Variants in LSM8 observed in about 807,000 individuals in gnomAD.
LSM8 encodes the protein LSM8 homolog, U6 small nuclear RNA associated.
Under a neutral mutation model 15.0 loss-of-function variants are expected in LSM8, and 14 were observed. The ratio of observed to expected loss-of-function variants is 0.93; its 90% CI spans 0.62 to 1.46. The LOEUF is 1.46. Ranked by LOEUF, LSM8 falls within the 40% of genes most tolerant of loss-of-function variation. The pLI, the probability that LSM8 is intolerant of heterozygous loss-of-function variation, is 0.00. For synonymous variants in LSM8, 50 were observed against 42.1 expected, an observed-to-expected ratio of 1.19 and a Z score of -0.73; for missense variants, 90 against 115.4, an observed-to-expected ratio of 0.78 and a Z score of 1.01.
chr7:118,184,604 AAC>A (rs1163995993), intron 1 of LSM8: 2 of 204,758 alleles, frequency 9.8e-6, no homozygotes, highest in Admixed American at 1.2e-4. Context: ...TGGCGGCGAC[AAC>A]AGTTTTGCAA....
In LSM8 at chr7:118,184,338, G is replaced by A. The variant is rs1026591834; in HGVS notation, c.31+84G>A. On this transcript the variant is annotated intron_variant, in intron 1 of 3. Transcript: ENST00000249299. ...GGATCGGTGGGAGGTTGGGAGGCCTGGCCTCGGCGGGATCCTGGGGGCGGG... is the reference window on the plus strand; with the variant it reads ...GGATCGGTGGGAGGTTGGGAGGCCTAGCCTCGGCGGGATCCTGGGGGCGGG... 17 of 1,367,118 alleles carry A rather than the reference G, an allele frequency of 1.2e-5. No homozygotes were observed. The Admixed American group carries it at 4.3e-4, about 34-fold the overall frequency. The allele number at this position is 1,367,118 out of a possible 1,614,324, so 84.7% of individuals were successfully genotyped here. A position where few individuals can be genotyped will look rare whatever the true frequency, so the allele number is the denominator to read the frequency against.
At chr7:118,188,128 A>T (rs1363202274) in intron 2 of LSM8, 150 bp from the exon 3 acceptor site, 2 of 795,402 alleles carry the variant, frequency 2.5e-6, no homozygotes, top group Non-Finnish European at 4.0e-6. Flanking sequence ...GTACCCTCGA[A>T]TACTGTTGGT....
Position 118,192,003 on chromosome 7 carries a change from G to T in LSM8, c.*1G>T, listed in dbSNP as rs1185787634. On this transcript the variant is annotated 3_prime_UTR_variant, in exon 4 of 4. Transcript: ENST00000249299. ...ACCTTTAAATTCTGTAGCACACTGA[G>T]GAAAAACTACATACTTGGACATCTG... 1 of 1,591,326 alleles carries T rather than the reference G, an allele frequency of 6.3e-7. No individual in the cohort carries two copies. Among genetic ancestry groups the T allele is most frequent in the Non-Finnish European group, 8.6e-7 (1 of 1,161,170 alleles).
At chr7:118,185,938 G>A (rs75251330) in intron 2 of LSM8, among the ~76,000 whole-genome samples, 10,449 of 152,246 alleles carry the variant, frequency 0.069, 387 homozygotes, top group East Asian at 0.11. Flanking sequence ...CTCCTAGTCT[G>A]TAGACCTTTA....
intron 2 of LSM8, among the ~76,000 whole-genome samples, chr7:118,187,926 A>G (rs1185374479): frequency 6.6e-6 from 1 of 152,126 alleles, no homozygotes; most frequent in Non-Finnish European, 1.5e-5. Context: ...TTTGGCTATC[A>G]TTTTCCCTTA....
At position 118,194,087 on chromosome 7, in the gene LSM8, A is replaced by C. The variant is rs1218647543; in HGVS notation, c.*2085A>C. Among the ~76,000 whole-genome samples the C allele has an allele frequency of 6.6e-6, 1 of 152,102 alleles. No homozygotes were observed. The highest frequency in any genetic ancestry group is 1.5e-5 in the Non-Finnish European group (1 of 67,954). ...GGACTGTTTTCTCACAACCGATTAA[A>C]ATTGGATTTATTTTTGCATGAGAAT... is the stretch of plus-strand genomic sequence containing the variant. On this transcript the variant is annotated 3_prime_UTR_variant, in exon 4 of 4. Transcript: ENST00000249299.
intron 1 of LSM8, chr7:118,184,531 TCTTA>T (rs771092021): frequency 4.2e-5 from 15 of 358,866 alleles, no homozygotes; most frequent in East Asian, 9.0e-5. Context: ...CGCTCTTGAT[TCTTA>T]CTTACTATTT....
intron 1 of LSM8, 123 bp downstream of exon 1, chr7:118,184,377 GC>G: frequency 1.7e-6 from 2 of 1,187,380 alleles, no homozygotes; most frequent in Non-Finnish European, 1.1e-6. Flanking sequence ...GGAGATGAGG[GC>G]CCCGGAACGA....
Position 118,195,323 on chromosome 7 carries a change from C to A in LSM8, c.*3321C>A, listed in dbSNP as rs1002334127. Among the ~76,000 whole-genome samples, 1 of 152,130 alleles carries A rather than the reference C, an allele frequency of 6.6e-6. No individual in the cohort carries two copies. Among genetic ancestry groups the A allele is most frequent in the African/African-American group, 2.4e-5 (1 of 41,414 alleles). On this transcript the variant is annotated 3_prime_UTR_variant, in exon 4 of 4. Transcript: ENST00000249299. Reference sequence around the variant, plus strand: ...TTATTCAAGATAAGGATAATAACAGCTATCTTCTTGGGTTGTAAAAAGTAG... The same window carrying A: ...TTATTCAAGATAAGGATAATAACAGATATCTTCTTGGGTTGTAAAAAGTAG...
Position 118,196,817 on chromosome 7 carries a change from C to T in LSM8, c.*4815C>T, listed in dbSNP as rs1446357830. Among the ~76,000 whole-genome samples, 2 of 151,558 alleles carry T rather than the reference C, an allele frequency of 1.3e-5. No homozygotes were observed. Among genetic ancestry groups the T allele is most frequent in the African/African-American group, 4.9e-5 (2 of 41,158 alleles). ...CAATCTTGGCTCACTACAACCTCCG[C>T]ATCCTGGGTTCAAGCGATTCCCCTG... is the stretch of plus-strand genomic sequence containing the variant. On this transcript the variant is annotated 3_prime_UTR_variant, in exon 4 of 4. Transcript: ENST00000249299.
rs965597345 is a variant in LSM8, at chr7:118,194,871, C to T, written c.*2869C>T. Among the ~76,000 whole-genome samples, 1 of 152,084 alleles carries T rather than the reference C, an allele frequency of 6.6e-6. No homozygotes were observed. The highest frequency in any genetic ancestry group is 1.5e-5 in the Non-Finnish European group (1 of 67,996). On this transcript the variant is annotated 3_prime_UTR_variant, in exon 4 of 4. Coordinates refer to ENST00000249299, the MANE Select transcript of LSM8 (RefSeq NM_016200.5). ...TGCCAGGCCTGGTGCTGAGTGCTTACAATGATCATTTTATATATGGGAAAA... is the reference window on the plus strand; with the variant it reads ...TGCCAGGCCTGGTGCTGAGTGCTTATAATGATCATTTTATATATGGGAAAA...
At position 118,196,926 on chromosome 7, in the gene LSM8, A is replaced by G. The variant is rs935980822; in HGVS notation, c.*4924A>G. On this transcript the variant is annotated 3_prime_UTR_variant, in exon 4 of 4. Coordinates refer to ENST00000249299, the MANE Select transcript of LSM8 (RefSeq NM_016200.5). The stretch of plus-strand genomic sequence containing the variant: ...TTTGTTTTAGTAGAGACGGGGTTTC[A>G]CCATGTTGGCCAGGATGGTCTTGAT... Among the ~76,000 whole-genome samples, 1 of 151,538 alleles carries G rather than the reference A, an allele frequency of 6.6e-6. No individual in the cohort carries two copies. The highest frequency in any genetic ancestry group is 2.4e-5 in the African/African-American group (1 of 41,214).
At chr7:118,186,402 C>G (rs1808890908) in intron 2 of LSM8, among the ~76,000 whole-genome samples, 1 of 152,156 alleles carries the variant, frequency 6.6e-6, no homozygotes, top group South Asian at 2.1e-4. Context: ...TATTTTCTAA[C>G]CTTACCTAGT....
intron 2 of LSM8, among the ~76,000 whole-genome samples, chr7:118,187,708 C>T (rs1008501487): frequency 1.3e-5 from 2 of 152,210 alleles, no homozygotes; most frequent in Admixed American, 6.5e-5. Flanking sequence ...CTGCCACTTA[C>T]TACCCATGTG....
At position 118,197,310 on chromosome 7, in the gene LSM8, G is replaced by A. The variant is rs1423655106; in HGVS notation, c.*5308G>A. The stretch of plus-strand genomic sequence containing the variant: ...AAGAATCCAGGAGTCAGGGTGGGTG[G>A]GGAGACAACTCCAGGGACACAATAC... On this transcript the variant is annotated 3_prime_UTR_variant, in exon 4 of 4. Coordinates refer to ENST00000249299, the MANE Select transcript of LSM8 (RefSeq NM_016200.5). Among the ~76,000 whole-genome samples the A allele has an allele frequency of 5.9e-5, 9 of 151,896 alleles. No individual in the cohort carries two copies. The highest frequency in any genetic ancestry group is 1.3e-4 in the Non-Finnish European group (9 of 67,974).
At chr7:118,186,567 C>T (rs1386288487) in intron 2 of LSM8, among the ~76,000 whole-genome samples, 1 of 151,990 alleles carries the variant, frequency 6.6e-6, no homozygotes, top group Non-Finnish European at 1.5e-5. Flanking sequence ...TATCATGTGC[C>T]AGGTGCATAT....
intron 3 of LSM8, 66 bp from the exon 4 acceptor site, chr7:118,191,846 G>A (rs185603059): frequency 5.6e-6 from 7 of 1,248,440 alleles, no homozygotes; most frequent in East Asian, 2.4e-5. Context: ...GATTTGATTA[G>A]TAAGATTTTT....
At position 118,201,488 on chromosome 7, in the gene LSM8, C is replaced by T. The variant is rs1042906712; in HGVS notation, c.*9486C>T. Among the ~76,000 whole-genome samples the T allele has an allele frequency of 4.6e-5, 7 of 152,024 alleles. No homozygotes were observed. Among genetic ancestry groups the T allele is most frequent in the Non-Finnish European group, 1.0e-4 (7 of 67,950 alleles). On this transcript the variant is annotated 3_prime_UTR_variant, in exon 4 of 4. Transcript: ENST00000249299. ...AAACGGTTCCTTTGCATCAATAAAT[C>T]GCTCTGTGATGCATTTTATAATGTA...
chr7:118,188,618 GTC>G, intron 3 of LSM8: 1 of 369,176 alleles, frequency 2.7e-6, no homozygotes, highest in East Asian at 5.8e-5. Context: ...AACCAAAGCT[GTC>G]TCTCTACAAA....
Sources: allele counts gnomAD v4.1 joint callset (sites outside exome capture counted in the v4.1 genomes callset), GRCh38; gene constraint gnomAD v4.1.1; transcripts MANE v1.5; gene names NCBI Gene and HGNC (gene_info 2026-07-23, HGNC 2026-07-21).